SSH1: variants seen among roughly 807,000 people sequenced by gnomAD.
SSH1 encodes the protein slingshot protein phosphatase 1, also known as protein phosphatase Slingshot homolog 1.
Under a neutral mutation model 79.7 loss-of-function variants are expected in SSH1, and 43 were observed. That is an observed-to-expected ratio of 0.54 (90% CI 0.42 to 0.70). The LOEUF is 0.70. SSH1 is among the 30% of genes least tolerant of loss of function. SSH1 has a pLI of 0.00. For synonymous variants in SSH1, 599 were observed against 538.3 expected (o/e 1.11, Z -1.56); for missense variants, 1,206 against 1,358.8 (o/e 0.89, Z 1.77).
At position 108,778,740 on chromosome 12, in the gene SSH1, TACC is replaced by T. The variant is rs577645668; in HGVS notation, c.*9245_*9247del. 3.9e-5 allele frequency: 6 copies of T among 153,344 alleles called. No individual in the cohort carries two copies. Among genetic ancestry groups the T allele is most frequent in the Middle Eastern group, 8.1e-4 (1 of 1,240 alleles). 9.5% of individuals were successfully genotyped at this position (153,344 alleles called of 1,614,324 possible). On this transcript the variant is annotated 3_prime_UTR_variant, in exon 15 of 15. Transcript: ENST00000326495. ...CAATTTCAAGAGCAAGAGGGAGGTC[TACC>T]ACCACCACCACCACCACCACCACAA...
chr12:108,828,005 G>A (rs1432530391), intron 2 of SSH1, among the ~76,000 whole-genome samples: 1 of 152,204 alleles, frequency 6.6e-6, no homozygotes, highest in African/African-American at 2.4e-5. Context: ...GGTTGGAGGT[G>A]TGATCCCAAA....
Position 108,807,132 on chromosome 12 carries a change from G to A in SSH1, c.731+501C>T, listed in dbSNP as rs148889605. 1.5e-3 allele frequency among the ~76,000 whole-genome samples: 234 copies of A among 152,316 alleles called. 1 individual carries two copies. Among genetic ancestry groups the A allele is most frequent in the Non-Finnish European group, 1.6e-3 (107 of 68,040 alleles). On this transcript the variant is annotated intron_variant, in intron 8 of 14. Transcript: ENST00000326495. This position sits in a 1 kb window ranked among gnomAD's most constrained non-coding sequence, Gnocchi z 5.2. ...GTGGCCTCTCCATGTCAGCGCTGTC[G>A]TAGGTCACACGACACAGGTCATGTG...
intron 7 of SSH1, among the ~76,000 whole-genome samples, chr12:108,808,807 A>G (rs1361832381): frequency 1.6e-5 from 2 of 128,246 alleles, no homozygotes; most frequent in Non-Finnish European, 1.7e-5. Context: ...TTATTTAGTC[A>G]CCCTCTTTTA....
Position 108,823,330 on chromosome 12 carries a change from C to T in SSH1, c.142G>A (p.Ala48Thr). The change falls in exon 3 of 15, where the codon GCA becomes ACA. Residue 48 changes from alanine to threonine, a missense_variant. Physicochemically the swap from Ala to Thr is moderately conservative, Grantham distance 58. Transcript: ENST00000326495. ...LSESFFMVKG[A>T]ALFLQQGSSP... ...CTTCCCTGTTGTAAGAAGAGGGCTGCGCCTTTCACCATGAAAAAGCTCTCA... is the reference window on the plus strand; with the variant it reads ...CTTCCCTGTTGTAAGAAGAGGGCTGTGCCTTTCACCATGAAAAAGCTCTCA... The T allele has an allele frequency of 6.3e-7, 1 of 1,579,770 alleles. No individual in the cohort carries two copies. The highest frequency in any genetic ancestry group is 8.6e-7 in the Non-Finnish European group (1 of 1,161,270).
In SSH1 at chr12:108,792,531, C is replaced by T. The variant is rs1024821862; in HGVS notation, c.1648G>A (p.Val550Met). 1 of 1,614,176 alleles carries T rather than the reference C, an allele frequency of 6.2e-7. No individual in the cohort carries two copies. The highest frequency in any genetic ancestry group is 8.5e-7 in the Non-Finnish European group (1 of 1,180,030). The change falls in exon 14 of 15, where the codon GTG (valine) becomes ATG (methionine). Residue 550 changes from valine to methionine, a missense_variant. This residue lies in a region of SSH1 where 709 missense variants were observed against 730.6 expected (regional missense o/e 0.97). Coordinates refer to ENST00000326495, the MANE Select transcript of SSH1 (RefSeq NM_018984.4). ...LLEEAAPPAE[V>M]HRPARQPQQG... ...TGGGGCTGTCTGGCCGGCCTGTGCA[C>T]CTCTGCAGGTGGAGCAGCTTCCTCC...
At chr12:108,847,326 C>G (rs2038920420) in intron 2 of SSH1, among the ~76,000 whole-genome samples, 1 of 152,204 alleles carries the variant, frequency 6.6e-6, no homozygotes, top group African/African-American at 2.4e-5. Flanking sequence ...ACTCAGCCAC[C>G]AGCACAGGAG....
rs1434399163 is a variant in SSH1 at position 108,799,056 on chromosome 12, G to A, written c.1293C>T (p.Arg431=). 6.2e-7 allele frequency: 1 copy of A among 1,614,108 alleles called. No homozygotes were observed. The highest frequency in any genetic ancestry group is 1.1e-5 in the South Asian group (1 of 91,080). ...NYVKQKRSIT[R]PNAGFMRQLS... ...GCTGCCTCATAAAGCCCGCGTTGGGGCGCGTGATGCTGCGCTTCTGCTTTA... is the reference window on the plus strand; with the variant it reads ...GCTGCCTCATAAAGCCCGCGTTGGGACGCGTGATGCTGCGCTTCTGCTTTA... The change falls in exon 13 of 15, where the codon CGC becomes CGT. Residue 431 remains arginine, a synonymous_variant. Transcript: ENST00000326495.
At chr12:108,790,429 C>T (rs987586600) in intron 14 of SSH1, among the ~76,000 whole-genome samples, 1 of 152,174 alleles carries the variant, frequency 6.6e-6, no homozygotes, top group Non-Finnish European at 1.5e-5. Context: ...GGATTACAGG[C>T]GTGCGGCACC....
At chr12:108,817,296 G>A in intron 4 of SSH1, 137 bp from the exon 5 acceptor site, 1 of 1,328,398 alleles carries the variant, frequency 7.5e-7, no homozygotes, top group Non-Finnish European at 1.0e-6. Context: ...ATTCTTGGCT[G>A]GGCATGGTGG....
intron 2 of SSH1, among the ~76,000 whole-genome samples, chr12:108,830,091 A>T (rs1330533542): frequency 1.3e-5 from 2 of 152,028 alleles, no homozygotes; most frequent in Non-Finnish European, 1.5e-5. Flanking sequence ...TGGGAGACAG[A>T]TCTTGTCTCC....
chr12:108,814,430 C>T (rs2037787924), intron 5 of SSH1, among the ~76,000 whole-genome samples: 1 of 151,784 alleles, frequency 6.6e-6, no homozygotes, highest in African/African-American at 2.4e-5. Flanking sequence ...GCTCCCTCAG[C>T]AGGCCAAAGG....
rs777261339 is a variant in SSH1, at chr12:108,805,037, C to T, written c.954+19G>A. 1.3e-5 allele frequency: 21 copies of T among 1,613,710 alleles called. No individual in the cohort carries two copies. The highest frequency in any genetic ancestry group is 1.8e-5 in the Non-Finnish European group (21 of 1,179,792). On this transcript the variant is annotated intron_variant, in intron 10 of 14. Coordinates refer to ENST00000326495, the MANE Select transcript of SSH1 (RefSeq NM_018984.4). ...TTTATGTCCCCCAAACCAGATACTGCCAGGGCCATGCCTCTTACGAGATAA... is the reference window on the plus strand; with the variant it reads ...TTTATGTCCCCCAAACCAGATACTGTCAGGGCCATGCCTCTTACGAGATAA...
rs1565986845 is a variant in SSH1 at position 108,807,879 on chromosome 12, G to T, written c.537-52C>A. On this transcript the variant is annotated intron_variant, in intron 7 of 14. Coordinates refer to ENST00000326495, the MANE Select transcript of SSH1 (RefSeq NM_018984.4). This position sits in a 1 kb window ranked among gnomAD's most constrained non-coding sequence, Gnocchi z 5.2. ...GCCTGGGAAGGCACAAGAGATGCAGGGTTTTCTCCTCTGACAAAGGGGTTC... is the reference window on the plus strand; with the variant it reads ...GCCTGGGAAGGCACAAGAGATGCAGTGTTTTCTCCTCTGACAAAGGGGTTC... 7 of 1,554,216 alleles carry T rather than the reference G, an allele frequency of 4.5e-6. No homozygotes were observed. The highest frequency in any genetic ancestry group is 3.4e-5 in the Admixed American group (2 of 59,324).
In SSH1 at chr12:108,787,683, C is replaced by T. The variant is rs941601409; in HGVS notation, c.*305G>A. 4 of 433,580 alleles carry T rather than the reference C, an allele frequency of 9.2e-6. No individual in the cohort carries two copies. Among genetic ancestry groups the T allele is most frequent in the South Asian group, 2.2e-5 (1 of 46,332 alleles). 26.9% of individuals were successfully genotyped at this position (433,580 alleles called of 1,614,324 possible). A position where few individuals can be genotyped will look rare whatever the true frequency, so the allele number is the denominator to read the frequency against. The stretch of plus-strand genomic sequence containing the variant: ...GCGAAGGGAACAGTCTGGATGTGTG[C>T]GCCTATGTGTGCACGTTCTTCCTAA... On this transcript the variant is annotated 3_prime_UTR_variant, in exon 15 of 15. Transcript: ENST00000326495.
In SSH1 at chr12:108,807,924, C is replaced by T. The variant is rs2037368416; in HGVS notation, c.537-97G>A. ...GGGTTCAAATACGGGAAGGGAAGGG[C>T]AATGATTGATTGGTTGATTATTTCT... On this transcript the variant is annotated intron_variant, in intron 7 of 14. Transcript: ENST00000326495. This position sits in a 1 kb window ranked among gnomAD's most constrained non-coding sequence, Gnocchi z 5.2. 9.3e-7 allele frequency: 1 copy of T among 1,080,182 alleles called. No homozygotes were observed. The highest frequency in any genetic ancestry group is 1.6e-5 in the African/African-American group (1 of 64,364). The allele number at this position is 1,080,182 out of a possible 1,614,324, so 66.9% of individuals were successfully genotyped here. A position where few individuals can be genotyped will look rare whatever the true frequency, so the allele number is the denominator to read the frequency against.
chr12:108,802,257 A>G, intron 11 of SSH1, 65 bp downstream of exon 11: 1 of 1,501,140 alleles, frequency 6.7e-7, no homozygotes, highest in East Asian at 2.3e-5. Flanking sequence ...CTCCCCCTCC[A>G]TGGCAGAGTG....
Position 108,807,780 on chromosome 12 carries a change from T to G in SSH1, c.584A>C (p.His195Pro). 6.2e-7 allele frequency: 1 copy of G among 1,613,898 alleles called. No homozygotes were observed. The highest frequency in any genetic ancestry group is 1.3e-5 in the African/African-American group (1 of 74,986). Residue 195 changes from histidine to proline, a missense_variant, in exon 8 of 15, where the codon CAC (histidine) becomes CCC (proline). By Grantham distance (77) the His-to-Pro change is moderately conservative. Around this residue, in one of 5 missense-constraint regions of SSH1, gnomAD observed 116 missense variants for 109.0 expected, o/e 1.06. Coordinates refer to ENST00000326495, the MANE Select transcript of SSH1 (RefSeq NM_018984.4). This position sits in a 1 kb window ranked among gnomAD's most constrained non-coding sequence, Gnocchi z 5.2. ...LHKACEVARR[H>P]NYFPGGVALI... ...AGCTACACCCCCGGGGAAGTAGTTG[T>G]GCCTCCGGGCCACTTCGCAGGCCTT...
chr12:108,825,865 CAA>C (rs2038291013), intron 2 of SSH1, among the ~76,000 whole-genome samples: 1 of 152,230 alleles, frequency 6.6e-6, no homozygotes, highest in Non-Finnish European at 1.5e-5. Context: ...TTTCCACCTG[CAA>C]AGCTTGTCAC....
intron 1 of SSH1, among the ~76,000 whole-genome samples, chr12:108,854,100 T>A (rs1328333450): frequency 6.6e-6 from 1 of 152,192 alleles, no homozygotes; most frequent in Non-Finnish European, 1.5e-5. Flanking sequence ...ACAAAGAGTA[T>A]GTTGGGGTCT....
Sources: gnomAD v4.1 joint callset for allele counts (sites outside exome capture counted in the v4.1 genomes callset) on GRCh38, gnomAD v4.1.1 for gene constraint, gnomAD v4.1.1 regional missense constraint, Gnocchi (gnomAD v3.1) non-coding constraint, MANE v1.5 for transcripts, NCBI Gene and HGNC (gene_info 2026-07-23, HGNC 2026-07-21) for gene names.